Variants in UACA observed in about 807,000 individuals in gnomAD.
UACA encodes the protein nuclear membrane binding protein.
In UACA, 112 loss-of-function variants were observed where a neutral mutation model predicts 160.5. That is an observed-to-expected ratio of 0.70 (90% CI 0.60 to 0.82). The LOEUF (loss-of-function observed/expected upper bound fraction) is 0.82. UACA is among the 40% of genes least tolerant of loss of function. UACA has a pLI of 0.00. For synonymous variants in UACA, 557 were observed against 568.4 expected, an observed-to-expected ratio of 0.98 and a Z score of 0.29; for missense variants, 1,574 against 1,614.6, an observed-to-expected ratio of 0.97 and a Z score of 0.43.
intron 1 of UACA, among the ~76,000 whole-genome samples, chr15:70,753,301 T>C (rs2030206280): frequency 2.0e-5 from 3 of 152,214 alleles, no homozygotes; most frequent in African/African-American, 4.8e-5. Flanking sequence ...TTCTATCACA[T>C]TTAAAAATGT....
At chr15:70,708,947 T>C (rs1249999422) in intron 1 of UACA, among the ~76,000 whole-genome samples, 3 of 152,200 alleles carry the variant, frequency 2.0e-5, no homozygotes, top group Non-Finnish European at 4.4e-5. Context: ...CATTCACCGT[T>C]AATAAAATGG....
At chr15:70,752,255 A>C (rs1343060768) in intron 1 of UACA, among the ~76,000 whole-genome samples, 2 of 145,574 alleles carry the variant, frequency 1.4e-5, no homozygotes, top group East Asian at 2.0e-4. Context: ...AAAAAAAAAA[A>C]AAACTTCTCA....
chr15:70,749,382 C>T (rs1899812077), intron 1 of UACA: 2 of 188,984 alleles, frequency 1.1e-5, no homozygotes, highest in Non-Finnish European at 1.1e-5. Flanking sequence ...AAAAATTAGC[C>T]GGGCGCGGTG....
chr15:70,744,016 G>A lies in UACA; in HGVS notation c.78+19314C>T, dbSNP rs4265762. Reference sequence around the variant, plus strand: ...TTCTAGCACTTTGGGAGGCCGAGACGGGCGGATCACGAGGTCAGGAGATCG... The same window carrying A: ...TTCTAGCACTTTGGGAGGCCGAGACAGGCGGATCACGAGGTCAGGAGATCG... On this transcript the variant is annotated intron_variant, in intron 1 of 18. Coordinates refer to ENST00000322954, the MANE Select transcript of UACA (RefSeq NM_018003.4). Among the ~76,000 whole-genome samples the A allele has an allele frequency of 8.9e-3, 1,350 of 151,596 alleles. 18 individuals are homozygous for A. The highest frequency in any genetic ancestry group is 0.03 in the African/African-American group (1,248 of 41,350).
In UACA at chr15:70,667,148, T is replaced by A; in HGVS notation, c.3536A>T (p.Glu1179Val). The change falls in exon 16 of 19, where the codon GAA becomes GTA. Residue 1179 changes from glutamate to valine, a missense_variant. Transcript: ENST00000322954. ...CAAGCTGGCTTTTATGATTCCAACTTCTTTCTCAAATGCTTCTTTAATCTG... is the reference window on the plus strand; with the variant it reads ...CAAGCTGGCTTTTATGATTCCAACTACTTTCTCAAATGCTTCTTTAATCTG... ...HLQIKEAFEK[E>V]VGIIKASLRE... The A allele has an allele frequency of 6.2e-7, 1 of 1,613,712 alleles. No individual in the cohort carries two copies. The highest frequency in any genetic ancestry group is 8.5e-7 in the Non-Finnish European group (1 of 1,179,950).
chr15:70,661,883 G>A (rs1896717633), intron 17 of UACA, among the ~76,000 whole-genome samples: 1 of 152,154 alleles, frequency 6.6e-6, no homozygotes, highest in South Asian at 2.1e-4. Flanking sequence ...AGCTATCTAT[G>A]ACAAACCCAC....
intron 1 of UACA, among the ~76,000 whole-genome samples, chr15:70,713,514 A>G (rs997082687): frequency 1.3e-5 from 2 of 152,338 alleles, no homozygotes; most frequent in South Asian, 2.1e-4. Context: ...AAGAAGGCCA[A>G]TGTAGCTGAT....
chr15:70,666,569 CT>C (rs3214542), intron 16 of UACA, among the ~76,000 whole-genome samples, 154 bp downstream of exon 16: 8 of 151,700 alleles, frequency 5.3e-5, no homozygotes, highest in Non-Finnish European at 8.8e-5. Context: ...TGTTACTTCA[CT>C]TTTTTTTTCA....
chr15:70,708,579 T>C (rs1184386935), intron 1 of UACA, among the ~76,000 whole-genome samples: 1 of 152,020 alleles, frequency 6.6e-6, no homozygotes, highest in Non-Finnish European at 1.5e-5. Flanking sequence ...GCTATTCTCC[T>C]GGTTCAGCCT....
intron 1 of UACA, among the ~76,000 whole-genome samples, chr15:70,755,049 G>C (rs1006397027): frequency 1.3e-5 from 2 of 152,104 alleles, no homozygotes; most frequent in African/African-American, 4.8e-5. Flanking sequence ...TCCTTTAGGT[G>C]GCAGGACAAA....
chr15:70,718,155 TG>T (rs1344614783), intron 1 of UACA, among the ~76,000 whole-genome samples: 1 of 150,792 alleles, frequency 6.6e-6, no homozygotes, highest in Non-Finnish European at 1.5e-5. Context: ...TCTGATTTTT[TG>T]GTACATCAAC....
intron 1 of UACA, among the ~76,000 whole-genome samples, chr15:70,759,377 T>C (rs1413448954): frequency 6.6e-6 from 1 of 152,190 alleles, no homozygotes; most frequent in African/African-American, 2.4e-5. Context: ...TGTAACAGGC[T>C]GGGCACGGTG....
intron 1 of UACA, among the ~76,000 whole-genome samples, chr15:70,721,996 T>G (rs1241705008): frequency 6.6e-6 from 1 of 152,210 alleles, no homozygotes; most frequent in East Asian, 1.9e-4. Context: ...TTTAAAAACA[T>G]TCTGTATCTC....
At chr15:70,768,485 G>C (rs1316410554), upstream of UACA, 1 of 152,132 alleles carries the variant, frequency 6.6e-6, no homozygotes, top group African/African-American at 2.4e-5. Context: ...TTTGGATTCA[G>C]GTTTAACATC....
intron 18 of UACA, among the ~76,000 whole-genome samples, chr15:70,657,922 TA>T (rs67011580): frequency 0.38 from 52,208 of 138,618 alleles, 10,041 homozygotes; most frequent in Middle Eastern, 0.49. Context: ...CGCAAAAACT[TA>T]AAAAAAAAAA....
rs1031669544 is a variant in UACA at position 70,739,125 on chromosome 15, G to A, written c.78+24205C>T. Among the ~76,000 whole-genome samples, 5 of 152,316 alleles carry A rather than the reference G, an allele frequency of 3.3e-5. No individual in the cohort carries two copies. The South Asian group carries it at 8.3e-4, about 25-fold the overall frequency. On this transcript the variant is annotated intron_variant, in intron 1 of 18. Transcript: ENST00000322954. ...AGGGGTAGAGAAATAGGGCCATTTT[G>A]TAATCAATCTACCATCTCTTAAGAG...
chr15:70,690,083 A>T (rs1317739075), intron 5 of UACA, among the ~76,000 whole-genome samples: 1 of 152,110 alleles, frequency 6.6e-6, no homozygotes, highest in African/African-American at 2.4e-5. Context: ...GTTTAAGGAA[A>T]GTCTTCTTCC....
At chr15:70,699,891 G>A (rs552990839) in intron 1 of UACA, among the ~76,000 whole-genome samples, 2 of 151,970 alleles carry the variant, frequency 1.3e-5, no homozygotes, top group East Asian at 3.9e-4. Flanking sequence ...TACTTTTGAG[G>A]GAAAGCATGT....
chr15:70,702,939 T>C (rs1312276864), intron 1 of UACA, among the ~76,000 whole-genome samples: 1 of 152,072 alleles, frequency 6.6e-6, no homozygotes, highest in Non-Finnish European at 1.5e-5. Context: ...CTGCCTAATA[T>C]AACAAGTAAA....
Sources: allele counts gnomAD v4.1 joint callset (sites outside exome capture counted in the v4.1 genomes callset), GRCh38; gene constraint gnomAD v4.1.1; transcripts MANE v1.5; gene names NCBI Gene and HGNC (gene_info 2026-07-23, HGNC 2026-07-21).